ARHGAP44: variants seen among roughly 807,000 people sequenced by gnomAD.
ARHGAP44 encodes Rho GTPase activating protein 44.
Under a neutral mutation model 106.8 loss-of-function variants are expected in ARHGAP44, and 43 were observed. That is an observed-to-expected ratio of 0.40 (90% CI 0.32 to 0.52). ARHGAP44 has a LOEUF of 0.52. Among genes scored for constraint, ARHGAP44 ranks in the 20% least tolerant of loss-of-function variants. The pLI, the probability that ARHGAP44 is intolerant of heterozygous loss-of-function variation, is 0.48. For missense variants in ARHGAP44, 866 were observed against 1,050.5 expected, an observed-to-expected ratio of 0.82 and a Z score of 2.43; for synonymous variants, 439 against 410.3, an observed-to-expected ratio of 1.07 and a Z score of -0.85.
intron 2 of ARHGAP44, among the ~76,000 whole-genome samples, chr17:12,895,588 A>G (rs2037179369): frequency 6.6e-6 from 1 of 152,186 alleles, no homozygotes; most frequent in Admixed American, 6.5e-5. Context: ...GGTAATCATT[A>G]AAAAGTCAGG....
At chr17:12,943,789 T>C in intron 9 of ARHGAP44, 120 bp downstream of exon 9, 1 of 1,124,374 alleles carries the variant, frequency 8.9e-7, no homozygotes, top group Non-Finnish European at 1.3e-6. Context: ...CACCTGTAGA[T>C]GAGCCTTTTG....
intron 19 of ARHGAP44, among the ~76,000 whole-genome samples, chr17:12,983,700 A>C (rs1199358575): frequency 6.6e-6 from 1 of 152,078 alleles, no homozygotes; most frequent in East Asian, 1.9e-4. Context: ...GCTACTCAGG[A>C]GGCTGAGGCA....
intron 4 of ARHGAP44, among the ~76,000 whole-genome samples, chr17:12,914,765 C>T (rs1745441757): frequency 7.1e-6 from 1 of 141,478 alleles, no homozygotes; most frequent in Non-Finnish European, 1.5e-5. Flanking sequence ...CACTGTACTC[C>T]AGCCTAGGCA....
At chr17:12,825,154 A>G (rs1248170588) in intron 1 of ARHGAP44, among the ~76,000 whole-genome samples, 1 of 151,940 alleles carries the variant, frequency 6.6e-6, no homozygotes, top group African/African-American at 2.4e-5. Context: ...CTCCTACTTC[A>G]GCCTCCCGAG....
At chr17:12,804,714 T>A (rs572981132) in intron 1 of ARHGAP44, among the ~76,000 whole-genome samples, 2 of 152,354 alleles carry the variant, frequency 1.3e-5, no homozygotes, top group Admixed American at 1.3e-4. Flanking sequence ...TCCTTTCCAT[T>A]TATCGAAACT....
chr17:12,808,306 G>A (rs908725096), intron 1 of ARHGAP44, among the ~76,000 whole-genome samples: 1 of 152,252 alleles, frequency 6.6e-6, no homozygotes, highest in African/African-American at 2.4e-5. Flanking sequence ...CCACTAGACA[G>A]TGCCCCAGTG....
Position 12,813,571 on chromosome 17 carries a change from C to G in ARHGAP44, c.53+23680C>G, listed in dbSNP as rs766778810. 1.2e-4 allele frequency among the ~76,000 whole-genome samples: 18 copies of G among 152,146 alleles called. 1 individual carries two copies. The highest frequency in any genetic ancestry group is 2.6e-4 in the Non-Finnish European group (18 of 68,020). ...TGCATATGAGCTTCCTTGTCTTTCA[C>G]TGTGACTTCTATTCAAGTAAAGAAT... is the stretch of plus-strand genomic sequence containing the variant. On this transcript the variant is annotated intron_variant, in intron 1 of 20. Coordinates refer to ENST00000379672, the MANE Select transcript of ARHGAP44 (RefSeq NM_014859.6).
chr17:12,887,333 A>T (rs2036911424), intron 1 of ARHGAP44, among the ~76,000 whole-genome samples: 1 of 152,098 alleles, frequency 6.6e-6, no homozygotes, highest in African/African-American at 2.4e-5. Context: ...GGCTCCAGCG[A>T]TCCTCCCACC....
At chr17:12,859,409 A>G (rs563574034) in intron 1 of ARHGAP44, among the ~76,000 whole-genome samples, 81 of 152,306 alleles carry the variant, frequency 5.3e-4, no homozygotes, top group Non-Finnish European at 1.0e-3. Context: ...CTAATACAGG[A>G]GCCTTTTATA....
intron 3 of ARHGAP44, among the ~76,000 whole-genome samples, chr17:12,904,333 CTT>C (rs2037483459): frequency 6.6e-6 from 1 of 152,200 alleles, no homozygotes; most frequent in African/African-American, 2.4e-5. Flanking sequence ...GTCTCAATCT[CTT>C]GACCTCATGA....
intron 5 of ARHGAP44, among the ~76,000 whole-genome samples, chr17:12,918,057 C>T (rs1157754740): frequency 2.6e-5 from 4 of 152,178 alleles, no homozygotes; most frequent in African/African-American, 9.7e-5. Flanking sequence ...CTTCTCAAGT[C>T]ATCTCCTCGC....
At chr17:12,847,425 C>G (rs2035599240) in intron 1 of ARHGAP44, among the ~76,000 whole-genome samples, 1 of 151,206 alleles carries the variant, frequency 6.6e-6, no homozygotes, top group African/African-American at 2.4e-5. Flanking sequence ...GGAGAGGGTT[C>G]TCTTTGATCT....
rs140984584 is a variant in ARHGAP44, at chr17:12,958,205, T to C, written c.1343-512T>C. On this transcript the variant is annotated intron_variant, in intron 15 of 20. Transcript: ENST00000379672. The surrounding 1 kb of genome is among the most constrained non-coding windows in gnomAD (Gnocchi z 4.1). ...TTTGACAGCCAAAAAACAACTTTAA[T>C]GAAATCTATATTTCTAATATCTTGA... Among the ~76,000 whole-genome samples the C allele has an allele frequency of 2.7e-4, 41 of 152,372 alleles. 2 individuals carry two copies. In the East Asian group the frequency reaches 7.7e-3, roughly 29 times the overall value.
At chr17:12,808,337 A>G (rs2034339309) in intron 1 of ARHGAP44, among the ~76,000 whole-genome samples, 1 of 152,180 alleles carries the variant, frequency 6.6e-6, no homozygotes, top group Non-Finnish European at 1.5e-5. Context: ...GTGGGGCTCG[A>G]ACCCCACATT....
intron 1 of ARHGAP44, among the ~76,000 whole-genome samples, chr17:12,845,463 G>A (rs1445958279): frequency 2.8e-5 from 4 of 144,894 alleles, no homozygotes; most frequent in Admixed American, 7.0e-5. Flanking sequence ...AGCCGAGATC[G>A]CGCCATTGCA....
intron 1 of ARHGAP44, among the ~76,000 whole-genome samples, chr17:12,794,482 G>A (rs1030631093): frequency 2.6e-5 from 4 of 152,122 alleles, no homozygotes; most frequent in African/African-American, 7.2e-5. Context: ...TCTTAGAAAC[G>A]ATTTCAACAG....
At chr17:12,829,536 A>G (rs943273694) in intron 1 of ARHGAP44, among the ~76,000 whole-genome samples, 1 of 152,152 alleles carries the variant, frequency 6.6e-6, no homozygotes, top group Non-Finnish European at 1.5e-5. Context: ...CTGGATTTTA[A>G]GTCTCAATTG....
chr17:12,960,283 G>A (rs904700805), intron 16 of ARHGAP44, among the ~76,000 whole-genome samples: 27 of 152,116 alleles, frequency 1.8e-4, no homozygotes, highest in African/African-American at 6.0e-4. Context: ...TTTTAAGACA[G>A]TCTCAGCTGG....
intron 16 of ARHGAP44, among the ~76,000 whole-genome samples, chr17:12,971,175 T>A (rs1181241684): frequency 6.6e-6 from 1 of 152,130 alleles, no homozygotes; most frequent in East Asian, 1.9e-4. Flanking sequence ...TGCCGAAGTT[T>A]GCCAGTGTTA....
Sources: gnomAD v4.1 joint callset for allele counts (sites outside exome capture counted in the v4.1 genomes callset) on GRCh38, gnomAD v4.1.1 for gene constraint, Gnocchi (gnomAD v3.1) non-coding constraint, MANE v1.5 for transcripts, NCBI Gene and HGNC (gene_info 2026-07-23, HGNC 2026-07-21) for gene names.